Variants in SPAG9 observed in about 807,000 individuals in gnomAD.
The protein encoded by SPAG9 is sperm associated antigen 9, also known as C-Jun-amino-terminal kinase-interacting protein 4.
In SPAG9, 35 loss-of-function variants were observed where a neutral mutation model predicts 166.5. That is an observed-to-expected ratio of 0.21 (90% confidence interval 0.16 to 0.28). The LOEUF (loss-of-function observed/expected upper bound fraction) is 0.28. SPAG9 is among the 10% of genes least tolerant of loss of function. The pLI is 1.00. For missense variants in SPAG9, 1,235 were observed against 1,603.3 expected, an observed-to-expected ratio of 0.77 and a Z score of 3.92; for synonymous variants, 534 against 565.5, an observed-to-expected ratio of 0.94 and a Z score of 0.79.
At chr17:51,059,597 C>A (rs986030921) in intron 2 of SPAG9, among the ~76,000 whole-genome samples, 1 of 151,892 alleles carries the variant, frequency 6.6e-6, no homozygotes, top group African/African-American at 2.4e-5. Context: ...ACTAAAAATA[C>A]AAAAACTAGC....
intron 8 of SPAG9, among the ~76,000 whole-genome samples, chr17:51,017,843 A>G (rs956320698): frequency 6.6e-6 from 1 of 152,136 alleles, no homozygotes; most frequent in African/African-American, 2.4e-5. Context: ...AAACATACCT[A>G]AGATTCAAAT....
In SPAG9 at chr17:50,977,195, C is replaced by A. The variant is rs1249043778; in HGVS notation, c.3436G>T (p.Val1146Leu). 1.2e-6 allele frequency: 2 copies of A among 1,613,330 alleles called. No individual in the cohort carries two copies. The highest frequency in any genetic ancestry group is 1.7e-6 in the Non-Finnish European group (2 of 1,179,602). ...GACACCATAAGAGCTGTAATTCTCA[C>A]AAAAGAGAAGCCCAGTTTTCCAGTA... ...LGTGKLGFSF[V>L]RITALMVSCN... Residue 1146 changes from valine (V) to leucine (L), a missense_variant, in exon 27 of 30, where the codon GTG becomes TTG. Physicochemically the swap from Val to Leu is conservative, Grantham distance 32. Transcript: ENST00000262013.
At chr17:51,087,799 A>G (rs916811419) in intron 1 of SPAG9, among the ~76,000 whole-genome samples, 26 of 152,166 alleles carry the variant, frequency 1.7e-4, no homozygotes, top group African/African-American at 6.3e-4. Context: ...GAAGTGGTAC[A>G]ATCATGGCTC....
Position 51,080,886 on chromosome 17 carries a change from C to CAAAAAA in SPAG9, c.304-1188_304-1183dup, listed in dbSNP as rs200436430. The stretch of plus-strand genomic sequence containing the variant: ...TGGGCTACAGAGCAAGACTCTATCT[C>CAAAAAA]AAAAAAAAAAAAAAAAAAAAAAAAA... On this transcript the variant is annotated intron_variant, in intron 1 of 29. Coordinates refer to ENST00000262013, the MANE Select transcript of SPAG9 (RefSeq NM_001130528.3). Among the ~76,000 whole-genome samples, 14 of 67,850 alleles carry CAAAAAA rather than the reference C, an allele frequency of 2.1e-4. 1 individual carries two copies. Among genetic ancestry groups the CAAAAAA allele is most frequent in the African/African-American group, 1.1e-3 (13 of 11,338 alleles). 44.5% of individuals were successfully genotyped at this position (67,850 alleles called of 152,430 possible). A position where few individuals can be genotyped will look rare whatever the true frequency, so the allele number is the denominator to read the frequency against.
intron 1 of SPAG9, among the ~76,000 whole-genome samples, chr17:51,119,115 C>A (rs1436724459): frequency 2.0e-5 from 3 of 149,522 alleles, no homozygotes; most frequent in African/African-American, 7.4e-5. Context: ...ACAATCAGAA[C>A]TAAAAATCAT....
chr17:51,007,428 ATC>A (rs1260484556), intron 9 of SPAG9, 102 bp from the exon 10 acceptor site: 11 of 545,838 alleles, frequency 2.0e-5, no homozygotes, highest in Non-Finnish European at 3.1e-5. Context: ...TAGAAATTTT[ATC>A]TGTCCTTTAT....
chr17:50,983,979 TAGG>T (rs1974841505), intron 24 of SPAG9, among the ~76,000 whole-genome samples: 1 of 152,172 alleles, frequency 6.6e-6, no homozygotes, highest in African/African-American at 2.4e-5. Flanking sequence ...CCCAGAAAGA[TAGG>T]AGATTTTGGG....
At chr17:51,023,337 C>G (rs769787369) in intron 6 of SPAG9, 3 of 196,234 alleles carry the variant, frequency 1.5e-5, no homozygotes, top group Non-Finnish European at 3.1e-5. Context: ...ATTATATATA[C>G]TATATATAAT....
intron 5 of SPAG9, among the ~76,000 whole-genome samples, chr17:51,037,691 T>TATATATATATATATATATATATATATATA (rs1179792305): frequency 4.0e-4 from 36 of 90,370 alleles, no homozygotes; most frequent in Admixed American, 7.4e-4. Flanking sequence ...ATATAGTGTG[T>TATATATATATATATATATATATATATATA]GTGTGTGTGT....
chr17:51,017,551 A>G (rs1360571801), intron 8 of SPAG9, among the ~76,000 whole-genome samples: 1 of 149,920 alleles, frequency 6.7e-6, no homozygotes, highest in African/African-American at 2.5e-5. Flanking sequence ...AGAGAGAGAG[A>G]CAGAGGGTTC....
rs560927551 is a variant in SPAG9 at position 50,970,722 on chromosome 17, T to C, written c.3835A>G (p.Ile1279Val). The stretch of plus-strand genomic sequence containing the variant: ...AATGACATACCCATTCGGAAGTCGA[T>C]GTAGCCCTCTCCTCCACTGATGACA... ...MLVISGGEGY[I>V]DFRMGDEGGE... The change falls in exon 29 of 30, where the codon ATC (isoleucine) becomes GTC (valine). Residue 1279 changes from isoleucine (I) to valine (V), a missense_variant. Physicochemically the swap from Ile to Val is conservative, Grantham distance 29. Coordinates refer to ENST00000262013, the MANE Select transcript of SPAG9 (RefSeq NM_001130528.3). 7 of 1,613,976 alleles carry C rather than the reference T, an allele frequency of 4.3e-6. No homozygotes were observed. The South Asian group carries it at 4.4e-5, about 10-fold the overall frequency.
chr17:51,051,011 A>G (rs2047165358), intron 3 of SPAG9, among the ~76,000 whole-genome samples: 1 of 146,402 alleles, frequency 6.8e-6, no homozygotes. Context: ...AAGAAAAGAA[A>G]GGAAGAAAGA....
At position 51,052,636 on chromosome 17, in the gene SPAG9, CAA is replaced by C. The variant is rs879699119; in HGVS notation, c.495+3774_495+3775del. ...CTTTTCCTCAAGGAATAGAAATAGACAAAAAAAAAAAAGTATATGTTTTCATT... is the reference window on the plus strand; with the variant it reads ...CTTTTCCTCAAGGAATAGAAATAGACAAAAAAAAAAGTATATGTTTTCATT... On this transcript the variant is annotated intron_variant, in intron 3 of 29. Transcript: ENST00000262013. 5.6e-5 allele frequency among the ~76,000 whole-genome samples: 7 copies of C among 125,784 alleles called. No individual in the cohort carries two copies. In the South Asian group the frequency reaches 1.0e-3, roughly 18 times the overall value. 82.5% of individuals were successfully genotyped at this position (125,784 alleles called of 152,430 possible). A position where few individuals can be genotyped will look rare whatever the true frequency, so the allele number is the denominator to read the frequency against.
At chr17:51,073,561 AC>A (rs1376528910) in intron 2 of SPAG9, among the ~76,000 whole-genome samples, 1 of 152,112 alleles carries the variant, frequency 6.6e-6, no homozygotes, top group Non-Finnish European at 1.5e-5. Flanking sequence ...TTAAAAAAAA[AC>A]AAAAAACAAA....
intron 3 of SPAG9, among the ~76,000 whole-genome samples, chr17:51,052,832 G>A (rs1003198211): frequency 1.1e-4 from 16 of 152,014 alleles, no homozygotes; most frequent in African/African-American, 3.9e-4. Flanking sequence ...GCCAAGGTGG[G>A]TGGATGACTT....
chr17:50,985,305 T>G (rs1231002867), intron 23 of SPAG9, among the ~76,000 whole-genome samples: 1 of 152,132 alleles, frequency 6.6e-6, no homozygotes, highest in Non-Finnish European at 1.5e-5. Context: ...ACCAACAGAG[T>G]CAGCCCTGTA....
intron 22 of SPAG9, among the ~76,000 whole-genome samples, chr17:50,986,438 G>C (rs1343783168): frequency 6.6e-6 from 1 of 152,132 alleles, no homozygotes; most frequent in East Asian, 1.9e-4. Flanking sequence ...TCAGATTTTA[G>C]AATGTTTACA....
At chr17:50,977,614 T>A (rs1974294120) in intron 26 of SPAG9, among the ~76,000 whole-genome samples, 1 of 152,000 alleles carries the variant, frequency 6.6e-6, no homozygotes, top group Admixed American at 6.6e-5. Flanking sequence ...CAGAAAACAG[T>A]GAAACTGGCA....
chr17:50,982,741 T>C, intron 24 of SPAG9, 69 bp from the exon 25 acceptor site: 1 of 1,356,584 alleles, frequency 7.4e-7, no homozygotes, highest in Non-Finnish European at 1.0e-6. Context: ...CAAGAAACAT[T>C]TTATTTGTTG....
Sources: allele counts gnomAD v4.1 joint callset (sites outside exome capture counted in the v4.1 genomes callset), GRCh38; gene constraint gnomAD v4.1.1; transcripts MANE v1.5; gene names NCBI Gene and HGNC (gene_info 2026-07-23, HGNC 2026-07-21).